Variants in ADCY1 observed in about 807,000 individuals in gnomAD.
ADCY1 encodes the protein adenylate cyclase type 1.
In ADCY1, 28 loss-of-function variants were observed where a neutral mutation model predicts 105.4. That is an observed-to-expected ratio of 0.27 (90% CI 0.20 to 0.36). The LOEUF (loss-of-function observed/expected upper bound fraction) is 0.36, where lower values mean the gene tolerates loss of function less well. ADCY1 is among the 10% of genes least tolerant of loss of function. The pLI, the probability that ADCY1 is intolerant of heterozygous loss-of-function variation, is 1.00. For missense variants in ADCY1, 977 were observed against 1,434.2 expected (o/e 0.68, Z 5.15); for synonymous variants, 655 against 623.8 (o/e 1.05, Z -0.75).
chr7:45,709,327 T>C (rs891272304), intron 18 of ADCY1, among the ~76,000 whole-genome samples: 3 of 152,158 alleles, frequency 2.0e-5, no homozygotes, highest in African/African-American at 7.2e-5. Flanking sequence ...CTCCTCACTT[T>C]CCAATGACAA....
chr7:45,623,461 C>G (rs1440829368), intron 4 of ADCY1, among the ~76,000 whole-genome samples: 3 of 152,204 alleles, frequency 2.0e-5, no homozygotes, highest in African/African-American at 7.2e-5. Context: ...CCACTGTCCC[C>G]CTTTCTCCCC....
At chr7:45,604,735 A>C (rs1793329783) in intron 2 of ADCY1, among the ~76,000 whole-genome samples, 1 of 152,196 alleles carries the variant, frequency 6.6e-6, no homozygotes, top group Non-Finnish European at 1.5e-5. Flanking sequence ...TTTTATAACA[A>C]GCCTTGAAAT....
At chr7:45,595,288 G>A (rs1331949029) in intron 2 of ADCY1, among the ~76,000 whole-genome samples, 1 of 152,186 alleles carries the variant, frequency 6.6e-6, no homozygotes, top group Non-Finnish European at 1.5e-5. Flanking sequence ...GCCTCACCCA[G>A]CCCTGTAGGT....
intron 8 of ADCY1, among the ~76,000 whole-genome samples, chr7:45,670,445 G>T (rs1672294514): frequency 6.6e-6 from 1 of 152,210 alleles, no homozygotes; most frequent in Non-Finnish European, 1.5e-5. Flanking sequence ...CCTGAGGGTG[G>T]ACCAATGTCT....
chr7:45,678,571 T>C (rs1383975632), intron 10 of ADCY1, among the ~76,000 whole-genome samples: 1 of 152,156 alleles, frequency 6.6e-6, no homozygotes, highest in East Asian at 1.9e-4. Flanking sequence ...CCATGCAACA[T>C]GCACCATTGC....
rs780254994 is a variant in ADCY1, at chr7:45,660,147, C to T, written c.1413C>T (p.Ile471=). 38 of 1,614,098 alleles carry T rather than the reference C, an allele frequency of 2.4e-5. No individual in the cohort carries two copies. Among genetic ancestry groups the T allele is most frequent in the Admixed American group, 2.2e-4 (13 of 60,014 alleles). ...ERNSFLKTHN[I]ETFFIVPSHR... is the part of the protein sequence containing the mutation. Reference sequence around the variant, plus strand: ...ACAGTTTCTTGAAAACTCATAACATCGAAACCTTTTTTATTGTGCCATCCC... The same window carrying T: ...ACAGTTTCTTGAAAACTCATAACATTGAAACCTTTTTTATTGTGCCATCCC... Residue 471 remains isoleucine, a synonymous_variant, in exon 7 of 20, where the codon ATC becomes ATT. Coordinates refer to ENST00000297323, the MANE Select transcript of ADCY1 (RefSeq NM_021116.4).
At chr7:45,617,811 T>A (rs1793778852) in intron 3 of ADCY1, among the ~76,000 whole-genome samples, 1 of 152,194 alleles carries the variant, frequency 6.6e-6, no homozygotes, top group Admixed American at 6.5e-5. Flanking sequence ...ATACCCAAAG[T>A]GATCTACAGA....
At chr7:45,650,839 G>T (rs1309483992) in intron 5 of ADCY1, among the ~76,000 whole-genome samples, 1 of 152,156 alleles carries the variant, frequency 6.6e-6, no homozygotes, top group Non-Finnish European at 1.5e-5. Flanking sequence ...TGCCCAGGAA[G>T]CCCTGCGTCT....
At position 45,629,814 on chromosome 7, in the gene ADCY1, C is replaced by T. The variant is rs996656750; in HGVS notation, c.1020+7071C>T. 6.1e-4 allele frequency among the ~76,000 whole-genome samples: 93 copies of T among 152,302 alleles called. 1 individual carries two copies. Among genetic ancestry groups the T allele is most frequent in the Middle Eastern group, 3.4e-3 (1 of 294 alleles). On this transcript the variant is annotated intron_variant, in intron 4 of 19. Coordinates refer to ENST00000297323, the MANE Select transcript of ADCY1 (RefSeq NM_021116.4). ...GATTACAGGCGTGAGCCACCGCGCC[C>T]GGCCGTATGCTTAACTTTTTATGAA...
intron 2 of ADCY1, among the ~76,000 whole-genome samples, chr7:45,610,174 G>T (rs537546189): frequency 6.6e-6 from 1 of 152,202 alleles, no homozygotes; most frequent in African/African-American, 2.4e-5. Flanking sequence ...CATGAGGAGC[G>T]CCGCAGGGAG....
At chr7:45,619,574 A>G (rs2115912133) in intron 3 of ADCY1, among the ~76,000 whole-genome samples, 1 of 152,320 alleles carries the variant, frequency 6.6e-6, no homozygotes, top group African/African-American at 2.4e-5. Flanking sequence ...ACAGAAAAGA[A>G]GGAAATCTTG....
rs922109165 is a variant in ADCY1, at chr7:45,678,232, T to A, written c.1867T>A (p.Phe623Ile). ...VVLTLILAAL[F>I]GLVYLLIFPQ... ...CCTCACCCTCATCCTGGCTGCCTTA[T>A]TTGGCCTTGTCTACCTTCTAATATT... Residue 623 changes from phenylalanine to isoleucine, a missense_variant, in exon 10 of 20, where the codon TTT (phenylalanine) becomes ATT (isoleucine). This residue lies in a region of ADCY1 where 275 missense variants were observed against 362.1 expected (regional missense o/e 0.76). Coordinates refer to ENST00000297323, the MANE Select transcript of ADCY1 (RefSeq NM_021116.4). 6.2e-7 allele frequency: 1 copy of A among 1,614,036 alleles called. No homozygotes were observed. The highest frequency in any genetic ancestry group is 2.2e-5 in the East Asian group (1 of 44,892).
rs1792251113 is a variant in ADCY1 at position 45,574,431 on chromosome 7, G to C, written c.-113G>C. 6.8e-6 allele frequency: 1 copy of C among 146,404 alleles called. No homozygotes were observed. The highest frequency in any genetic ancestry group is 6.9e-5 in the Admixed American group (1 of 14,498). 9.1% of individuals were successfully genotyped at this position (146,404 alleles called of 1,614,324 possible). A position where few individuals can be genotyped will look rare whatever the true frequency, so the allele number is the denominator to read the frequency against. ...CAACTCCGCCCGCCCCGCGCCCCGC[G>C]CCCCGGCGCCTCGCCGCCCGCCGCC... is the stretch of plus-strand genomic sequence containing the variant. On this transcript the variant is annotated 5_prime_UTR_variant, in exon 1 of 20. Transcript: ENST00000297323. This position sits in a 1 kb window ranked among gnomAD's most constrained non-coding sequence, Gnocchi z 7.0.
chr7:45,589,657 A>G (rs1792850239), intron 1 of ADCY1, among the ~76,000 whole-genome samples: 1 of 151,724 alleles, frequency 6.6e-6, no homozygotes, highest in Non-Finnish European at 1.5e-5. Context: ...CATCTGGGAA[A>G]ATGCGGGGGC....
chr7:45,659,969 C>T (rs1795050944), intron 6 of ADCY1, 73 bp from the exon 7 acceptor site: 3 of 1,582,058 alleles, frequency 1.9e-6, no homozygotes, highest in African/African-American at 1.4e-5. Context: ...GCCCCTTCCC[C>T]TCTGGTAAGG....
At chr7:45,586,557 C>T (rs554501840) in intron 1 of ADCY1, among the ~76,000 whole-genome samples, 6 of 152,290 alleles carry the variant, frequency 3.9e-5, no homozygotes, top group East Asian at 3.9e-4. Context: ...AATTCTAAAA[C>T]GCTTTTATTA....
intron 12 of ADCY1, 48 bp from the exon 13 acceptor site, chr7:45,685,914 G>T (rs1397873607): frequency 2.5e-6 from 4 of 1,573,710 alleles, no homozygotes; most frequent in Non-Finnish European, 2.6e-6. Context: ...AGGGGCTGCA[G>T]GTCTTCACCT....
At chr7:45,673,475 A>G (rs1348455336) in intron 8 of ADCY1, among the ~76,000 whole-genome samples, 2 of 152,164 alleles carry the variant, frequency 1.3e-5, no homozygotes, top group African/African-American at 2.4e-5. Context: ...GGATTTTTCA[A>G]TTTACCCTTT....
intron 4 of ADCY1, among the ~76,000 whole-genome samples, chr7:45,645,242 A>G (rs1415999641): frequency 6.6e-6 from 1 of 152,066 alleles, no homozygotes; most frequent in Admixed American, 6.5e-5. Context: ...CGCCCACACC[A>G]TGCAGTGACG....
Sources: gnomAD v4.1 joint callset for allele counts (sites outside exome capture counted in the v4.1 genomes callset) on GRCh38, gnomAD v4.1.1 for gene constraint, gnomAD v4.1.1 regional missense constraint, Gnocchi (gnomAD v3.1) non-coding constraint, MANE v1.5 for transcripts, NCBI Gene and HGNC (gene_info 2026-07-23, HGNC 2026-07-21) for gene names.